CLEC16A: variants seen among roughly 807,000 people sequenced by gnomAD.
CLEC16A encodes C-type lectin domain containing 16A, also known as protein CLEC16A.
Under a neutral mutation model 109.5 loss-of-function variants are expected in CLEC16A, and 51 were observed. That is an observed-to-expected ratio of 0.47 (90% CI 0.37 to 0.59). CLEC16A has a LOEUF of 0.59. Among genes scored for constraint, CLEC16A ranks in the 20% least tolerant of loss-of-function variants. The pLI, the probability that CLEC16A is intolerant of heterozygous loss-of-function variation, is 0.00. For missense variants in CLEC16A, 1,339 were observed against 1,394.0 expected, an observed-to-expected ratio of 0.96 and a Z score of 0.63; for synonymous variants, 673 against 564.2, an observed-to-expected ratio of 1.19 and a Z score of -2.73.
Position 10,971,142 on chromosome 16 carries a change from C to A in CLEC16A, c.510C>A (p.Ala170=), listed in dbSNP as rs1244978285. The A allele has an allele frequency of 1.9e-6, 3 of 1,612,848 alleles. No individual in the cohort carries two copies. Among genetic ancestry groups the A allele is most frequent in the Non-Finnish European group, 2.5e-6 (3 of 1,179,102 alleles). Residue 170 remains alanine (A), a synonymous_variant, in exon 5 of 24, where the codon GCC becomes GCA. Transcript: ENST00000409790. Reference sequence around the variant, plus strand: ...TGTTTTAGCACACCAATGACTTTGCCCTGTACACAGAAGCCATCAAGTTTT... The same window carrying A: ...TGTTTTAGCACACCAATGACTTTGCACTGTACACAGAAGCCATCAAGTTTT... ...FFYNEHTNDF[A]LYTEAIKFFN...
rs556285140 is a variant in CLEC16A, at chr16:11,068,712, G to T, written c.2116+7690G>T. ...TCCAGTTGGTCAGCAGACCTATTCAGCCTCTGCCGCAAAATACAGTCAGCC... is the reference window on the plus strand; with the variant it reads ...TCCAGTTGGTCAGCAGACCTATTCATCCTCTGCCGCAAAATACAGTCAGCC... On this transcript the variant is annotated intron_variant, in intron 19 of 23. Coordinates refer to ENST00000409790, the MANE Select transcript of CLEC16A (RefSeq NM_015226.3). 1.4e-3 allele frequency among the ~76,000 whole-genome samples: 206 copies of T among 152,194 alleles called. 2 individuals are homozygous for T. Among genetic ancestry groups the T allele is most frequent in the Non-Finnish European group, 5.0e-4 (34 of 68,036 alleles).
Position 11,178,785 on chromosome 16 carries a change from T to C in CLEC16A, c.*95T>C. 1 of 962,656 alleles carries C rather than the reference T, an allele frequency of 1.0e-6. No homozygotes were observed. The highest frequency in any genetic ancestry group is 1.5e-6 in the Non-Finnish European group (1 of 671,448). The allele number at this position is 962,656 out of a possible 1,614,324, so 59.6% of individuals were successfully genotyped here. On this transcript the variant is annotated 3_prime_UTR_variant, in exon 24 of 24. Coordinates refer to ENST00000409790, the MANE Select transcript of CLEC16A (RefSeq NM_015226.3). This position sits in a 1 kb window ranked among gnomAD's most constrained non-coding sequence, Gnocchi z 6.5. ...GACACACTGGGAGCACCCACCATTC[T>C]GTGCGGCCCCCAGCAGCCATCTCAA...
At chr16:10,979,145 A>G (rs940523782) in intron 8 of CLEC16A, among the ~76,000 whole-genome samples, 184 bp from the exon 9 acceptor site, 1 of 152,184 alleles carries the variant, frequency 6.6e-6, no homozygotes, top group Non-Finnish European at 1.5e-5. Context: ...TGCAAACAGT[A>G]TTGAGTGGGA....
chr16:11,121,126 G>T (rs2052378740), intron 20 of CLEC16A, among the ~76,000 whole-genome samples: 1 of 152,156 alleles, frequency 6.6e-6, no homozygotes. Context: ...GTATGTGTGT[G>T]TTTTTTATGA....
intron 1 of CLEC16A, among the ~76,000 whole-genome samples, chr16:10,951,320 C>T (rs1489189441): frequency 6.6e-6 from 1 of 152,088 alleles, no homozygotes; most frequent in Non-Finnish European, 1.5e-5. Flanking sequence ...GGAGTTAGAG[C>T]CTTTTATAAG....
At chr16:11,019,575 C>T (rs1159592769) in intron 11 of CLEC16A, among the ~76,000 whole-genome samples, 2 of 152,136 alleles carry the variant, frequency 1.3e-5, no homozygotes, top group East Asian at 3.9e-4. Context: ...TCGAGACCAG[C>T]CTGGCCAACA....
At chr16:11,085,332 C>A (rs2152953610) in intron 19 of CLEC16A, among the ~76,000 whole-genome samples, 1 of 152,300 alleles carries the variant, frequency 6.6e-6, no homozygotes, top group Middle Eastern at 3.4e-3. Flanking sequence ...AAACAGATGG[C>A]GGGATGGGTT....
intron 11 of CLEC16A, among the ~76,000 whole-genome samples, chr16:11,012,594 C>CAAAAAAAA (rs551902895): frequency 4.9e-4 from 33 of 67,928 alleles, no homozygotes; most frequent in African/African-American, 1.1e-3. Flanking sequence ...GACTCCGTCT[C>CAAAAAAAA]AAAAAAAAAA....
chr16:11,119,290 A>G (rs1233330281), intron 19 of CLEC16A, among the ~76,000 whole-genome samples: 1 of 152,218 alleles, frequency 6.6e-6, no homozygotes, highest in East Asian at 1.9e-4. Flanking sequence ...GGCATGAGCC[A>G]CAGCACCCAG....
chr16:11,065,887 G>C (rs930112428), intron 19 of CLEC16A, among the ~76,000 whole-genome samples: 3 of 152,214 alleles, frequency 2.0e-5, no homozygotes, highest in African/African-American at 7.2e-5. Flanking sequence ...TGGGTCAGTG[G>C]CTGGGAAGAG....
intron 19 of CLEC16A, among the ~76,000 whole-genome samples, chr16:11,110,610 G>C (rs2051521213): frequency 6.6e-6 from 1 of 152,186 alleles, no homozygotes; most frequent in Non-Finnish European, 1.5e-5. Context: ...CTCCAGAAAT[G>C]TCATGGCACT....
chr16:11,022,260 T>A (rs2046146772), intron 12 of CLEC16A, among the ~76,000 whole-genome samples: 1 of 151,086 alleles, frequency 6.6e-6, no homozygotes, highest in South Asian at 2.1e-4. Flanking sequence ...TTGCAGCTTG[T>A]AAGAAACTGC....
intron 3 of CLEC16A, among the ~76,000 whole-genome samples, chr16:10,963,884 G>GC (rs899021796): frequency 1.3e-5 from 2 of 152,182 alleles, no homozygotes; most frequent in East Asian, 3.9e-4. Flanking sequence ...CTAAGGACAG[G>GC]CCCCCCACAA....
At chr16:10,970,726 C>G (rs1271914639) in intron 4 of CLEC16A, among the ~76,000 whole-genome samples, 3 of 152,218 alleles carry the variant, frequency 2.0e-5, no homozygotes, top group Non-Finnish European at 4.4e-5. Context: ...ATTACTACTA[C>G]TACCACTACT....
intron 19 of CLEC16A, among the ~76,000 whole-genome samples, chr16:11,065,895 G>T (rs987759897): frequency 2.6e-5 from 4 of 152,234 alleles, no homozygotes; most frequent in African/African-American, 4.8e-5. Context: ...TGGCTGGGAA[G>T]AGCCAGATCT....
intron 18 of CLEC16A, among the ~76,000 whole-genome samples, chr16:11,058,871 T>C (rs1166017443): frequency 6.6e-6 from 1 of 152,202 alleles, no homozygotes; most frequent in Non-Finnish European, 1.5e-5. Context: ...GAGCGTCTCC[T>C]TGACTTGGAC....
At chr16:10,949,791 G>A (rs1329511729) in intron 1 of CLEC16A, among the ~76,000 whole-genome samples, 1 of 152,198 alleles carries the variant, frequency 6.6e-6, no homozygotes, top group Non-Finnish European at 1.5e-5. Flanking sequence ...TGGTGGGGCG[G>A]GGAGCAGGGG....
chr16:11,100,919 T>C (rs879260903), intron 19 of CLEC16A, among the ~76,000 whole-genome samples: 1 of 152,182 alleles, frequency 6.6e-6, no homozygotes, highest in African/African-American at 2.4e-5. Flanking sequence ...ACTCACAGAT[T>C]TCTTTCAGTT....
At chr16:11,136,641 C>T (rs1436451905) in intron 22 of CLEC16A, among the ~76,000 whole-genome samples, 1 of 152,234 alleles carries the variant, frequency 6.6e-6, no homozygotes, top group Non-Finnish European at 1.5e-5. Flanking sequence ...TTCACAAAGA[C>T]TTTCCCTGGG....
Sources: gnomAD v4.1 joint callset for allele counts (sites outside exome capture counted in the v4.1 genomes callset) on GRCh38, gnomAD v4.1.1 for gene constraint, Gnocchi (gnomAD v3.1) non-coding constraint, MANE v1.5 for transcripts, NCBI Gene and HGNC (gene_info 2026-07-23, HGNC 2026-07-21) for gene names.